FSHR: variants seen among roughly 807,000 people sequenced by gnomAD.
FSHR encodes follicle stimulating hormone receptor.
Under a neutral mutation model 52.1 loss-of-function variants are expected in FSHR, and 46 were observed. That is an observed-to-expected ratio of 0.88 (90% CI 0.70 to 1.13). The LOEUF (loss-of-function observed/expected upper bound fraction) is 1.13, where lower values mean the gene tolerates loss of function less well. FSHR is among the 50% of genes most tolerant of loss of function. The pLI, the probability that FSHR is intolerant of heterozygous loss-of-function variation, is 0.00. For synonymous variants in FSHR, 399 were observed against 309.6 expected (o/e 1.29, Z -3.03); for missense variants, 964 against 834.6 (o/e 1.16, Z -1.91).
intron 2 of FSHR, among the ~76,000 whole-genome samples, chr2:49,037,079 A>G (rs1209050393): frequency 2.0e-5 from 3 of 152,214 alleles, no homozygotes; most frequent in African/African-American, 4.8e-5. Context: ...GAGATGAACT[A>G]CTTGCATAAA....
chr2:49,144,365 C>T (rs1004060795), intron 1 of FSHR, among the ~76,000 whole-genome samples: 1 of 152,108 alleles, frequency 6.6e-6, no homozygotes, highest in African/African-American at 2.4e-5. Context: ...TGTAATTTTC[C>T]TATCTGACTA....
rs751806220 is a variant in FSHR at position 48,968,892 on chromosome 2, A to G, written c.669-9T>C. On this transcript the variant is annotated splice_polypyrimidine_tract_variant and intron_variant, in intron 8 of 9. Transcript: ENST00000406846. Reference sequence around the variant, plus strand: ...TTGTTCTTGAAATATCTCTATAAAGAGAAAAGGTAAATATAACAGGATTAC... The same window carrying G: ...TTGTTCTTGAAATATCTCTATAAAGGGAAAAGGTAAATATAACAGGATTAC... The G allele has an allele frequency of 1.9e-6, 3 of 1,612,006 alleles. No individual in the cohort carries two copies. In the African/African-American group the frequency reaches 4.0e-5, roughly 22 times the overall value.
At chr2:49,014,447 A>G (rs181780094) in intron 4 of FSHR, among the ~76,000 whole-genome samples, 77 of 152,170 alleles carry the variant, frequency 5.1e-4, no homozygotes, top group African/African-American at 1.8e-3. Flanking sequence ...AGCCTTTTTC[A>G]GAGGCAAAGG....
At chr2:48,976,410 G>A (rs1674990195) in intron 8 of FSHR, among the ~76,000 whole-genome samples, 1 of 152,146 alleles carries the variant, frequency 6.6e-6, no homozygotes, top group Admixed American at 6.5e-5. Context: ...GAGGATTTTC[G>A]CATCGATGTT....
At chr2:49,020,437 C>T (rs1217955718) in intron 2 of FSHR, among the ~76,000 whole-genome samples, 1 of 151,898 alleles carries the variant, frequency 6.6e-6, no homozygotes, top group Non-Finnish European at 1.5e-5. Context: ...AAGAGATTTG[C>T]TTAAAGATAT....
At position 49,148,526 on chromosome 2, in the gene FSHR, C is replaced by T. The variant is rs773522753; in HGVS notation, c.152+5740G>A. The stretch of plus-strand genomic sequence containing the variant: ...CGTCCAGAATACACATCGTATTGAA[C>T]CAGACACACTAAGGTGTACAAAGGA... On this transcript the variant is annotated intron_variant, in intron 1 of 9. Transcript: ENST00000406846. Among the ~76,000 whole-genome samples, 8 of 151,896 alleles carry T rather than the reference C, an allele frequency of 5.3e-5. No homozygotes were observed. The South Asian group carries it at 1.2e-3, about 24-fold the overall frequency.
At chr2:48,995,847 AT>A (rs142889441) in intron 4 of FSHR, among the ~76,000 whole-genome samples, 3 of 151,456 alleles carry the variant, frequency 2.0e-5, no homozygotes, top group African/African-American at 7.3e-5. Context: ...CAAGGAAAAC[AT>A]TTTTTTTTAC....
rs552648533 is a variant in FSHR at position 48,978,593 on chromosome 2, A to C, written c.668+4319T>G. On this transcript the variant is annotated intron_variant, in intron 8 of 9. Coordinates refer to ENST00000406846, the MANE Select transcript of FSHR (RefSeq NM_000145.4). ...TTTCCCCACAGGAAACTGTTTCCCA[A>C]AGAAACAGCAATTGTTCGATTGCTT... is the stretch of plus-strand genomic sequence containing the variant. Among the ~76,000 whole-genome samples, 10 of 152,360 alleles carry C rather than the reference A, an allele frequency of 6.6e-5. No homozygotes were observed. In the East Asian group the frequency reaches 1.7e-3, roughly 26 times the overall value.
At chr2:49,070,954 T>C (rs879322774) in intron 1 of FSHR, among the ~76,000 whole-genome samples, 1 of 152,128 alleles carries the variant, frequency 6.6e-6, no homozygotes, top group Admixed American at 6.6e-5. Context: ...TGAGCAGTGG[T>C]GAATGCAAAC....
chr2:49,015,623 A>G (rs1171651515), intron 4 of FSHR, among the ~76,000 whole-genome samples: 1 of 152,104 alleles, frequency 6.6e-6, no homozygotes, highest in East Asian at 1.9e-4. Context: ...GTTGTCACGT[A>G]TTTCCTCTAC....
chr2:48,963,535 T>TA lies in FSHR; in HGVS notation c.1285dup (p.Tyr429LeufsTer7). The TA allele has an allele frequency of 6.2e-7, 1 of 1,614,210 alleles. No individual in the cohort carries two copies. Among genetic ancestry groups the TA allele is most frequent in the Non-Finnish European group, 8.5e-7 (1 of 1,180,028 alleles). On this transcript the variant is annotated frameshift_variant, in exon 10 of 10. Transcript: ENST00000406846. LOFTEE classifies it high-confidence loss of function. ...TTGCCAGTCAATGGCATAGTTGTGA[T>TA]ATTGGCTCTTGGTATGGATATCAAC...
At chr2:48,964,442 G>C (rs1416361389) in intron 9 of FSHR, among the ~76,000 whole-genome samples, 1 of 152,122 alleles carries the variant, frequency 6.6e-6, no homozygotes, top group Non-Finnish European at 1.5e-5. Flanking sequence ...TAAATTAGGG[G>C]ATCAAAATCT....
At chr2:49,015,726 A>G (rs145988616) in intron 4 of FSHR, among the ~76,000 whole-genome samples, 9 of 152,314 alleles carry the variant, frequency 5.9e-5, no homozygotes, top group African/African-American at 2.2e-4. Context: ...AAGACTCCTA[A>G]GCCTGAAAGT....
intron 1 of FSHR, among the ~76,000 whole-genome samples, chr2:49,112,735 C>T (rs1671465759): frequency 6.6e-6 from 1 of 152,130 alleles, no homozygotes; most frequent in African/African-American, 2.4e-5. Context: ...TAATAGTTAA[C>T]TAAGTAACAA....
rs569344546 is a variant in FSHR at position 49,035,228 on chromosome 2, G to A, written c.225-15068C>T. ...TAATTACAGGAGAGGGACAGGGACAGAAATGTTAACAATGTCCTAAACAGG... is the reference window on the plus strand; with the variant it reads ...TAATTACAGGAGAGGGACAGGGACAAAAATGTTAACAATGTCCTAAACAGG... On this transcript the variant is annotated intron_variant, in intron 2 of 9. Transcript: ENST00000406846. 2.8e-4 allele frequency among the ~76,000 whole-genome samples: 43 copies of A among 152,360 alleles called. No individual in the cohort carries two copies. The South Asian group carries it at 8.9e-3, about 32-fold the overall frequency.
At chr2:48,967,643 A>T (rs1259608623) in intron 9 of FSHR, among the ~76,000 whole-genome samples, 1 of 152,334 alleles carries the variant, frequency 6.6e-6, no homozygotes, top group Non-Finnish European at 1.5e-5. Flanking sequence ...TCTGAAAAAC[A>T]GCTATTTTTC....
At chr2:49,003,227 A>G (rs934309410) in intron 4 of FSHR, among the ~76,000 whole-genome samples, 2 of 152,296 alleles carry the variant, frequency 1.3e-5, no homozygotes, top group African/African-American at 4.8e-5. Context: ...CTCTAAAAAC[A>G]GCAGCTGCTC....
chr2:48,975,189 A>T (rs570231132), intron 8 of FSHR, among the ~76,000 whole-genome samples: 1 of 152,116 alleles, frequency 6.6e-6, no homozygotes, highest in African/African-American at 2.4e-5. Flanking sequence ...AGTAAGGAAG[A>T]TATGCCCTCA....
At chr2:48,980,161 CA>C (rs927510381) in intron 8 of FSHR, among the ~76,000 whole-genome samples, 6 of 152,172 alleles carry the variant, frequency 3.9e-5, no homozygotes, top group African/African-American at 1.2e-4. Flanking sequence ...CTTTTGGCCC[CA>C]GGGGGAAAAG....
Sources: gnomAD v4.1 joint callset for allele counts (sites outside exome capture counted in the v4.1 genomes callset) on GRCh38, gnomAD v4.1.1 for gene constraint, MANE v1.5 for transcripts, NCBI Gene and HGNC (gene_info 2026-07-23, HGNC 2026-07-21) for gene names.